Variants in TTC3 observed in about 807,000 individuals in gnomAD.
The protein encoded by TTC3 is E3 ubiquitin-protein ligase TTC3.
Under a neutral mutation model 249.6 loss-of-function variants are expected in TTC3, and 180 were observed. The observed-to-expected ratio is 0.72, with a 90% CI of 0.64 to 0.82. The LOEUF (loss-of-function observed/expected upper bound fraction) is 0.82, where lower values mean the gene tolerates loss of function less well. Ranked by LOEUF, TTC3 falls within the 40% of genes least tolerant of loss-of-function variation. The pLI, the probability that TTC3 is intolerant of heterozygous loss-of-function variation, is 0.00. For synonymous variants in TTC3, 717 were observed against 805.0 expected (o/e 0.89, Z 1.85); for missense variants, 2,061 against 2,398.4 (o/e 0.86, Z 2.94).
chr21:37,088,240 C>T (rs764578287), exon 4 of TTC3: 14 of 1,612,456 alleles, frequency 8.7e-6, no homozygotes, highest in Non-Finnish European at 1.2e-5. Flanking sequence ...AATTTCTGTC[C>T]TGCAAGATTA....
intron 21 of TTC3, 77 bp from the exon 22 acceptor site, chr21:37,147,404 G>C (rs2079073491): frequency 7.5e-7 from 1 of 1,331,718 alleles, no homozygotes; most frequent in South Asian, 1.5e-5. Flanking sequence ...TTGATGGCAA[G>C]AGGTTATTGA....
chr21:37,149,711 C>T (rs1010258524), intron 23 of TTC3, among the ~76,000 whole-genome samples: 5 of 152,136 alleles, frequency 3.3e-5, no homozygotes, highest in African/African-American at 1.2e-4. Context: ...GGCTCTATTC[C>T]TTGTTTCTCA....
chr21:37,161,060 C>T lies in TTC3; in HGVS notation c.3096+202C>T, dbSNP rs376865914. The stretch of plus-strand genomic sequence containing the variant: ...TTATATAATAGCAAGTCTTGACACT[C>T]GTATTCTTTATTGTCTTTTTTATTT... On this transcript the variant is annotated intron_variant, in intron 30 of 45. Transcript: ENST00000355666. Among the ~76,000 whole-genome samples, 4 of 151,126 alleles carry T rather than the reference C, an allele frequency of 2.6e-5. No homozygotes were observed. In the South Asian group the frequency reaches 8.4e-4, roughly 32 times the overall value.
At chr21:37,188,514 G>C in exon 39 of TTC3, 2 of 1,613,798 alleles carry the variant, frequency 1.2e-6, no homozygotes, top group Non-Finnish European at 1.7e-6. Flanking sequence ...CTTGAAAACT[G>C]GAAGGAGAGT....
rs746595632 is a variant in TTC3, at chr21:37,192,152, C to T, written c.5156C>T (p.Ser1719Phe). ...CAAATTAAGGCAATTAAAAATGGTT[C>T]TCGGCTCAGTGAACTTTCTAAAGTG... Residue 1719 changes from serine (S) to phenylalanine (F), a missense_variant, in exon 41 of 46, where the codon TCT becomes TTT. Physicochemically the swap from Ser to Phe is radical, Grantham distance 155. Around this residue, in one of 3 missense-constraint regions of TTC3, gnomAD observed 1,040 missense variants for 1,186.1 expected, o/e 0.88. Transcript: ENST00000355666. 6 of 1,611,200 alleles carry T rather than the reference C, an allele frequency of 3.7e-6. No homozygotes were observed. The Admixed American group carries it at 6.7e-5, about 18-fold the overall frequency.
chr21:37,090,113 CG>C lies in TTC3; in HGVS notation c.427-118del. ...GTAACTTGGTCATGTAAATGCTTGT[CG>C]GAAGTGTACTACTGAGTACATATAG... On this transcript the variant is annotated intron_variant, in intron 5 of 45. Transcript: ENST00000355666. The C allele has an allele frequency of 5.0e-6, 3 of 602,790 alleles. 1 individual carries two copies. Among genetic ancestry groups the C allele is most frequent in the Middle Eastern group, 2.9e-4 (1 of 3,464 alleles). The allele number at this position is 602,790 out of a possible 1,614,324, so 37.3% of individuals were successfully genotyped here.
intron 21 of TTC3, among the ~76,000 whole-genome samples, chr21:37,145,750 C>T (rs146721207): frequency 1.3e-5 from 2 of 152,108 alleles, no homozygotes; most frequent in South Asian, 2.1e-4. Context: ...TGTCAGAAGG[C>T]GTAGGAGAGC....
chr21:37,147,768 AC>A (rs1242984650), intron 22 of TTC3, among the ~76,000 whole-genome samples, 165 bp downstream of exon 22: 1 of 148,074 alleles, frequency 6.8e-6, no homozygotes, highest in African/African-American at 2.5e-5. Flanking sequence ...TCACTCTGTC[AC>A]CCAGGCTGGA....
chr21:37,076,125 A>G (rs1320052472), intron 1 of TTC3, among the ~76,000 whole-genome samples: 1 of 152,186 alleles, frequency 6.6e-6, no homozygotes, highest in African/African-American at 2.4e-5. Context: ...ATTTTATCAG[A>G]TATGTATACA....
intron 36 of TTC3, among the ~76,000 whole-genome samples, chr21:37,183,429 C>CT (rs1417119258): frequency 6.6e-6 from 1 of 152,186 alleles, no homozygotes; most frequent in Non-Finnish European, 1.5e-5. Flanking sequence ...TGATCCATCC[C>CT]TAACCTCCCT....
intron 13 of TTC3, 38 bp from the exon 14 acceptor site, chr21:37,124,581 C>A: frequency 6.3e-7 from 1 of 1,596,644 alleles, no homozygotes; most frequent in Non-Finnish European, 8.5e-7. Flanking sequence ...GGATAACTTT[C>A]AAAAAATGTA....
intron 44 of TTC3, among the ~76,000 whole-genome samples, chr21:37,198,952 T>G (rs1325986051): frequency 6.6e-6 from 1 of 152,216 alleles, no homozygotes; most frequent in African/African-American, 2.4e-5. Context: ...GTGTATATTT[T>G]TTTCAAACTA....
chr21:37,121,678 C>T (rs1441421934), intron 11 of TTC3, 139 bp from the exon 12 acceptor site: 4 of 759,696 alleles, frequency 5.3e-6, no homozygotes, highest in Non-Finnish European at 7.8e-6. Context: ...TAACATTTTA[C>T]ATTTATTTTT....
intron 1 of TTC3, chr21:37,081,922 A>C (rs1383037997): frequency 1.4e-5 from 2 of 148,004 alleles, no homozygotes; most frequent in Admixed American, 6.8e-5. Context: ...TGGAGTGCAG[A>C]GGCGCGATCT....
chr21:37,125,027 C>T (rs1236833546), intron 14 of TTC3, among the ~76,000 whole-genome samples: 5 of 152,140 alleles, frequency 3.3e-5, no homozygotes, highest in Non-Finnish European at 5.9e-5. Flanking sequence ...CTTTTCCCTT[C>T]GGTTGTTGGA....
At chr21:37,166,133 T>G (rs757886228) in exon 33 of TTC3, 5 of 1,614,160 alleles carry the variant, frequency 3.1e-6, no homozygotes, top group South Asian at 2.2e-5. Context: ...GAAACCAACT[T>G]ATTGGGCTCA....
intron 13 of TTC3, among the ~76,000 whole-genome samples, chr21:37,123,666 G>A (rs1283490001): frequency 1.3e-5 from 2 of 152,274 alleles, no homozygotes; most frequent in African/African-American, 2.4e-5. Context: ...GAAATTGGCT[G>A]TGGAGGCTTT....
In TTC3 at chr21:37,088,217, G is replaced by A. The variant is rs1461498434; in HGVS notation, c.209G>A (p.Trp70Ter). 5 of 1,608,660 alleles carry A rather than the reference G, an allele frequency of 3.1e-6. No homozygotes were observed. In the Admixed American group the frequency reaches 5.0e-5, roughly 16 times the overall value. Reference sequence around the variant, plus strand: ...TAAGAATTTGACATCTGCAGTATATGGTGTAGTAAACCAATTTCTGTCCTG... The same window carrying A: ...TAAGAATTTGACATCTGCAGTATATAGTGTAGTAAACCAATTTCTGTCCTG... The change falls in exon 4 of 46, where the codon TGG becomes TAG. Residue 70 changes from tryptophan to a stop codon, truncating the protein, a stop_gained. Transcript: ENST00000355666. LOFTEE classifies it high-confidence loss of function.
intron 5 of TTC3, 31 bp from the exon 6 acceptor site, chr21:37,090,202 G>T: frequency 6.5e-7 from 1 of 1,543,168 alleles, no homozygotes; most frequent in South Asian, 1.2e-5. Flanking sequence ...GACTGAATAA[G>T]GAAAAAATAT....
Sources: allele counts gnomAD v4.1 joint callset (sites outside exome capture counted in the v4.1 genomes callset), GRCh38; gene constraint gnomAD v4.1.1; regional missense constraint gnomAD v4.1.1; transcripts MANE v1.5; gene names NCBI Gene and HGNC (gene_info 2026-07-23, HGNC 2026-07-21).